The following CCDC149 variants were observed in gnomAD, a reference collection of about 807,000 sequenced individuals.
The protein encoded by CCDC149 is coiled-coil domain containing 149, also known as coiled-coil domain-containing protein 149.
A neutral mutation model predicts 59.9 loss-of-function variants in CCDC149; 45 were observed. The ratio of observed to expected loss-of-function variants is 0.75; its 90% CI spans 0.59 to 0.96. The LOEUF (loss-of-function observed/expected upper bound fraction) is 0.96, where lower values mean the gene tolerates loss of function less well. Among genes scored for constraint, CCDC149 ranks in the 40% least tolerant of loss-of-function variants. CCDC149 has a pLI of 0.00. For synonymous variants in CCDC149, 245 were observed against 260.6 expected (o/e 0.94, Z 0.58); for missense variants, 584 against 664.7 (o/e 0.88, Z 1.33).
At chr4:24,917,061 C>T (rs939464561), upstream of CCDC149, among the ~76,000 whole-genome samples, 3 of 152,104 alleles carry the variant, frequency 2.0e-5, no homozygotes, top group Admixed American at 6.5e-5. Context: ...CTCTCCTCCC[C>T]CTACCTAGAG....
intron 2 of CCDC149, among the ~76,000 whole-genome samples, chr4:24,876,078 G>A (rs1045536033): frequency 6.6e-6 from 1 of 151,960 alleles, no homozygotes; most frequent in African/African-American, 2.4e-5. Context: ...GGGTATCCAC[G>A]ATGCCTACGT....
intron 4 of CCDC149, among the ~76,000 whole-genome samples, chr4:24,845,584 T>C (rs1577404177): frequency 6.6e-6 from 1 of 152,344 alleles, no homozygotes. Context: ...ACTGTGCATC[T>C]TGGAATCTGT....
At chr4:24,957,816 G>C (rs1026868762) in intron 1 of CCDC149, among the ~76,000 whole-genome samples, 1 of 152,188 alleles carries the variant, frequency 6.6e-6, no homozygotes, top group African/African-American at 2.4e-5. Flanking sequence ...GAAAAAGTTT[G>C]CTGACTCCTG....
intron 12 of CCDC149, among the ~76,000 whole-genome samples, chr4:24,819,292 G>A (rs1026824343): frequency 3.3e-5 from 5 of 152,178 alleles, no homozygotes; most frequent in Admixed American, 6.6e-5. Flanking sequence ...ACCTGGCCAC[G>A]AACCCAGGTT....
intron 1 of CCDC149, among the ~76,000 whole-genome samples, chr4:24,934,674 T>G (rs1722689213): frequency 2.0e-5 from 3 of 152,130 alleles, no homozygotes; most frequent in Admixed American, 2.0e-4. Flanking sequence ...GAAATGACAT[T>G]TGAACAGGCA....
intron 3 of CCDC149, among the ~76,000 whole-genome samples, chr4:24,863,189 A>C (rs1484039604): frequency 6.6e-6 from 1 of 152,132 alleles, no homozygotes; most frequent in Non-Finnish European, 1.5e-5. Flanking sequence ...GCTACTCAGG[A>C]GGCTGAGGCA....
chr4:24,953,024 T>C (rs1402297372), intron 1 of CCDC149, among the ~76,000 whole-genome samples: 1 of 152,100 alleles, frequency 6.6e-6, no homozygotes, highest in African/African-American at 2.4e-5. Flanking sequence ...TGACTGACAA[T>C]ACTGGGCTGC....
chr4:24,933,063 C>G (rs1397463467), intron 1 of CCDC149, among the ~76,000 whole-genome samples: 1 of 152,236 alleles, frequency 6.6e-6, no homozygotes, highest in East Asian at 1.9e-4. Context: ...GGAAAAAAAA[C>G]AGAAAATGAT....
intron 5 of CCDC149, 143 bp downstream of exon 5, chr4:24,838,013 T>C (rs931195133): frequency 6.1e-5 from 45 of 731,742 alleles, no homozygotes; most frequent in Admixed American, 1.9e-5. Context: ...GGGACCCTAG[T>C]GCAGTGCTGA....
chr4:24,909,349 T>C (rs982973005), intron 1 of CCDC149, among the ~76,000 whole-genome samples: 19 of 152,112 alleles, frequency 1.2e-4, no homozygotes, highest in African/African-American at 4.3e-4. Context: ...CACAGGTCCT[T>C]CTGCCAGGTC....
chr4:24,816,022 T>G (rs1577376487), intron 12 of CCDC149, among the ~76,000 whole-genome samples: 1 of 152,146 alleles, frequency 6.6e-6, no homozygotes. Flanking sequence ...AGGACAGGAC[T>G]GTAAGTCAAC....
chr4:24,873,561 C>T, intron 3 of CCDC149, 120 bp downstream of exon 3: 1 of 750,646 alleles, frequency 1.3e-6, no homozygotes, highest in South Asian at 1.6e-5. Context: ...ACCTACTCCT[C>T]CCAATAACAG....
chr4:24,804,886 T>C (rs1698070924), downstream of CCDC149, among the ~76,000 whole-genome samples: 1 of 152,096 alleles, frequency 6.6e-6, no homozygotes, highest in Non-Finnish European at 1.5e-5. Context: ...TGCTTAAGAT[T>C]GCCAAAAGCT....
intron 3 of CCDC149, among the ~76,000 whole-genome samples, chr4:24,863,052 G>T (rs978387967): frequency 6.6e-6 from 1 of 152,202 alleles, no homozygotes; most frequent in Non-Finnish European, 1.5e-5. Flanking sequence ...CAGCACTTTG[G>T]GGGGCTGAGG....
intron 1 of CCDC149, among the ~76,000 whole-genome samples, chr4:24,941,568 G>A (rs974259682): frequency 3.9e-5 from 6 of 152,112 alleles, no homozygotes; most frequent in African/African-American, 1.2e-4. Context: ...GAAGGAAATC[G>A]AGACACAAAA....
At chr4:24,885,623 T>C (rs569358361) in intron 1 of CCDC149, among the ~76,000 whole-genome samples, 4 of 152,298 alleles carry the variant, frequency 2.6e-5, no homozygotes, top group South Asian at 4.1e-4. Context: ...AAGGGCCAAG[T>C]TGAGCAAGGA....
intron 1 of CCDC149, among the ~76,000 whole-genome samples, chr4:24,894,312 C>T (rs1184234704): frequency 6.6e-6 from 1 of 152,052 alleles, no homozygotes; most frequent in Non-Finnish European, 1.5e-5. Context: ...GTAGTGGTAG[C>T]AATCAGCATA....
At position 24,833,176 on chromosome 4, in the gene CCDC149, T is replaced by TA. The variant is rs75994223; in HGVS notation, c.821-1527dup. 7.3e-4 allele frequency among the ~76,000 whole-genome samples: 105 copies of TA among 143,614 alleles called. 2 individuals are homozygous for TA. The East Asian group carries it at 0.011, about 15-fold the overall frequency. The allele number at this position is 143,614 out of a possible 152,430, so 94.2% of individuals were successfully genotyped here. On this transcript the variant is annotated intron_variant, in intron 8 of 12. Transcript: ENST00000635206. ...AACCACTGATATTCCTACCAGACAT[T>TA]AAAAAAAAAAGGAAACAGTATAAAT...
chr4:24,902,870 A>G (rs1721247752), intron 1 of CCDC149, among the ~76,000 whole-genome samples: 1 of 151,862 alleles, frequency 6.6e-6, no homozygotes, highest in Non-Finnish European at 1.5e-5. Context: ...CAAAAAATAG[A>G]AAAATTAGCC....
Sources: gnomAD v4.1 joint callset for allele counts (sites outside exome capture counted in the v4.1 genomes callset) on GRCh38, gnomAD v4.1.1 for gene constraint, MANE v1.5 for transcripts, NCBI Gene and HGNC (gene_info 2026-07-23, HGNC 2026-07-21) for gene names.